The following TAFA5 variants were observed in gnomAD, a reference collection of about 807,000 sequenced individuals.
The protein encoded by TAFA5 is TAFA chemokine like family member 5.
TAFA5 carries 6 observed loss-of-function variants against 15.3 expected under a neutral mutation model. The ratio of observed to expected loss-of-function variants is 0.39; its 90% CI spans 0.21 to 0.77. The LOEUF is 0.77. Among genes scored for constraint, TAFA5 ranks in the 30% least tolerant of loss-of-function variants. The pLI is 0.41. For synonymous variants in TAFA5, 103 were observed against 80.7 expected (o/e 1.28, Z -1.48); for missense variants, 161 against 193.1 (o/e 0.83, Z 0.98).
At chr22:48,746,977 C>T (rs572709413) in intron 3 of TAFA5, among the ~76,000 whole-genome samples, 3 of 152,316 alleles carry the variant, frequency 2.0e-5, no homozygotes, top group South Asian at 2.1e-4. Context: ...GTAGGACCCT[C>T]GCCCATACCC....
chr22:48,627,418 G>C (rs1427854325), intron 1 of TAFA5, among the ~76,000 whole-genome samples: 1 of 152,246 alleles, frequency 6.6e-6, no homozygotes, highest in African/African-American at 2.4e-5. Context: ...AGCACCCAGA[G>C]GGCGCCGCGT....
chr22:48,661,856 G>A (rs6010483), intron 2 of TAFA5, among the ~76,000 whole-genome samples: 42,881 of 150,876 alleles, frequency 0.28, 6,626 homozygotes, highest in African/African-American at 0.41. Context: ...CATCCACAGG[G>A]GTGATGGTGA....
intron 1 of TAFA5, among the ~76,000 whole-genome samples, chr22:48,508,225 C>A (rs905444524): frequency 6.6e-6 from 1 of 152,162 alleles, no homozygotes; most frequent in Non-Finnish European, 1.5e-5. Flanking sequence ...CATGGGCAGC[C>A]GGCAGCTTTA....
At chr22:48,743,380 CT>C (rs748261194) in intron 3 of TAFA5, among the ~76,000 whole-genome samples, 6 of 152,208 alleles carry the variant, frequency 3.9e-5, no homozygotes, top group Non-Finnish European at 7.3e-5. Flanking sequence ...TGTGTTTGCC[CT>C]GAGTCCAGAT....
At chr22:48,558,370 G>A (rs1191801384) in intron 1 of TAFA5, among the ~76,000 whole-genome samples, 48 of 152,258 alleles carry the variant, frequency 3.2e-4, no homozygotes, top group Non-Finnish European at 5.9e-5. Context: ...TTTTGAATGC[G>A]TCCCTCCCTG....
rs1923193170 is a variant in TAFA5 at position 48,560,548 on chromosome 22, G to A, written c.112+70844G>A. ...ACCTGGGTCCTGACACCCACACTGG[G>A]CCATGAAAAACGTTGTATTTTATTA... On this transcript the variant is annotated intron_variant, in intron 1 of 3. Transcript: ENST00000402357. The surrounding 1 kb of genome is among the most constrained non-coding windows in gnomAD (Gnocchi z 4.2). 6.6e-6 allele frequency among the ~76,000 whole-genome samples: 1 copy of A among 150,834 alleles called. No individual in the cohort carries two copies. The highest frequency in any genetic ancestry group is 6.6e-5 in the Admixed American group (1 of 15,072).
chr22:48,709,475 C>T (rs1388519444), intron 3 of TAFA5, among the ~76,000 whole-genome samples: 1 of 152,186 alleles, frequency 6.6e-6, no homozygotes, highest in Non-Finnish European at 1.5e-5. Context: ...GCATTCCATC[C>T]ACCTGTGGAC....
Position 48,643,265 on chromosome 22 carries a change from C to T in TAFA5, c.113-3332C>T, listed in dbSNP as rs1227290831. Among the ~76,000 whole-genome samples, 9 of 152,214 alleles carry T rather than the reference C, an allele frequency of 5.9e-5. No individual in the cohort carries two copies. In the South Asian group the frequency reaches 6.2e-4, roughly 11 times the overall value. ...CGTGGCTCGCTGTGGCGATCTGTTA[C>T]GCAGGAAGCTCCTGCAAGGCCCTGA... On this transcript the variant is annotated intron_variant, in intron 1 of 3. Coordinates refer to ENST00000402357, the MANE Select transcript of TAFA5 (RefSeq NM_001082967.3).
chr22:48,584,404 T>G (rs529544541), intron 1 of TAFA5, among the ~76,000 whole-genome samples: 1 of 136,792 alleles, frequency 7.3e-6, no homozygotes, highest in South Asian at 2.4e-4. Flanking sequence ...ACCACACACA[T>G]AGATACACAT....
chr22:48,535,123 A>T (rs961808067), intron 1 of TAFA5, among the ~76,000 whole-genome samples: 2 of 151,936 alleles, frequency 1.3e-5, no homozygotes, highest in Non-Finnish European at 2.9e-5. Flanking sequence ...CAGCCCAGCA[A>T]CCCTTACCTG....
At chr22:48,559,292 G>A (rs1601578966) in intron 1 of TAFA5, among the ~76,000 whole-genome samples, 1 of 152,240 alleles carries the variant, frequency 6.6e-6, no homozygotes, top group African/African-American at 2.4e-5. Context: ...TGCTTGGGAA[G>A]TGGGCCCCAT....
At position 48,489,729 on chromosome 22, in the gene TAFA5, C is replaced by T; in HGVS notation, c.112+25C>T. 7.3e-7 allele frequency: 1 copy of T among 1,375,008 alleles called. No individual in the cohort carries two copies. The allele number at this position is 1,375,008 out of a possible 1,614,324, so 85.2% of individuals were successfully genotyped here. A position where few individuals can be genotyped will look rare whatever the true frequency, so the allele number is the denominator to read the frequency against. ...AGTGAGTACCGCGCGGCCCCGGCCC[C>T]GGCACGGCCCTCTGGGCCCCGGACC... On this transcript the variant is annotated intron_variant, in intron 1 of 3. Coordinates refer to ENST00000402357, the MANE Select transcript of TAFA5 (RefSeq NM_001082967.3). This position sits in a 1 kb window ranked among gnomAD's most constrained non-coding sequence, Gnocchi z 5.5.
At chr22:48,660,834 G>A (rs1036671379) in intron 2 of TAFA5, among the ~76,000 whole-genome samples, 7 of 152,300 alleles carry the variant, frequency 4.6e-5, no homozygotes, top group African/African-American at 1.7e-4. Flanking sequence ...GTCAGGAGGT[G>A]AAGGGAGCAG....
chr22:48,505,483 G>T (rs960297515), intron 1 of TAFA5, among the ~76,000 whole-genome samples: 4 of 152,160 alleles, frequency 2.6e-5, no homozygotes, highest in African/African-American at 9.7e-5. Context: ...AGTGTGCCAG[G>T]CCTGGGATTT....
chr22:48,528,162 C>T (rs550411719), intron 1 of TAFA5, among the ~76,000 whole-genome samples: 29 of 152,286 alleles, frequency 1.9e-4, no homozygotes, highest in Non-Finnish European at 4.0e-4. Context: ...CAGTTAAGGA[C>T]GCTGAAGTTC....
chr22:48,547,401 G>A (rs1338264403), intron 1 of TAFA5: 7 of 152,386 alleles, frequency 4.6e-5, no homozygotes, highest in South Asian at 2.1e-4. Context: ...CTTTCCCCAG[G>A]TGTTTGCATT....
intron 1 of TAFA5, among the ~76,000 whole-genome samples, chr22:48,589,747 A>G (rs1924492614): frequency 1.3e-5 from 2 of 152,124 alleles, no homozygotes; most frequent in Admixed American, 1.3e-4. Context: ...TGATGTGGCC[A>G]CACGCTGAGG....
At chr22:48,724,101 A>G (rs1391295347) in intron 3 of TAFA5, among the ~76,000 whole-genome samples, 1 of 151,196 alleles carries the variant, frequency 6.6e-6, no homozygotes, top group Non-Finnish European at 1.5e-5. Context: ...AGCAGGAGAG[A>G]CTCAGGGTTC....
chr22:48,514,147 G>A (rs1254846299), intron 1 of TAFA5, among the ~76,000 whole-genome samples: 1 of 152,192 alleles, frequency 6.6e-6, no homozygotes, highest in East Asian at 1.9e-4. Flanking sequence ...AGGCCCGGCC[G>A]CGGAGTTGCC....
Sources: allele counts gnomAD v4.1 joint callset (sites outside exome capture counted in the v4.1 genomes callset), GRCh38; gene constraint gnomAD v4.1.1; non-coding constraint Gnocchi (gnomAD v3.1); transcripts MANE v1.5; gene names NCBI Gene and HGNC (gene_info 2026-07-23, HGNC 2026-07-21).